MBNL3: variants seen among roughly 807,000 people sequenced by gnomAD.
MBNL3 encodes the protein muscleblind-like protein 3.
A neutral mutation model predicts 24.5 loss-of-function variants in MBNL3; 6 were observed. That is an observed-to-expected ratio of 0.25 (90% CI 0.13 to 0.48). MBNL3 has a LOEUF of 0.48. Ranked by LOEUF, MBNL3 falls within the 20% of genes least tolerant of loss-of-function variation. The probability of loss-of-function intolerance (pLI) is 0.99; values close to 1 mark genes in which losing one functional copy is unlikely to be tolerated. For missense variants in MBNL3, 230 were observed against 293.5 expected, an observed-to-expected ratio of 0.78 and a Z score of 1.58; for synonymous variants, 100 against 101.7, an observed-to-expected ratio of 0.98 and a Z score of 0.10.
Position 132,437,626 on chromosome X carries a change from A to G in MBNL3, c.177+1809T>C, listed in dbSNP as rs1386170725. On this transcript the variant is annotated intron_variant, in intron 2 of 8. Coordinates refer to ENST00000370853, the MANE Select transcript of MBNL3 (RefSeq NM_001386889.1). The stretch of plus-strand genomic sequence containing the variant: ...TAGTGAGGCTGGGACTGTACCCCAG[A>G]TCTCCTGAAACAACAATGCAAAGTT... Among the ~76,000 whole-genome samples, 3 of 111,090 alleles carry G rather than the reference A, an allele frequency of 2.7e-5. No homozygotes were observed. The East Asian group carries it at 8.5e-4, about 31-fold the overall frequency.
At chrX:132,481,851 T>C (rs1380557614) in intron 1 of MBNL3, among the ~76,000 whole-genome samples, 1 of 111,691 alleles carries the variant, frequency 9.0e-6, no homozygotes, top group African/African-American at 3.3e-5. Context: ...CGCATCTATA[T>C]GAATTCCCCA....
intron 1 of MBNL3, among the ~76,000 whole-genome samples, chrX:132,470,884 A>G (rs1947145310): frequency 9.0e-6 from 1 of 111,697 alleles, no homozygotes; most frequent in African/African-American, 3.3e-5. Flanking sequence ...CAAGTTCCCA[A>G]TCAAACCTTT....
At chrX:132,396,933 CATTCATATATATATTCATATAT>C (rs1328667910) in intron 3 of MBNL3, among the ~76,000 whole-genome samples, 10 of 67,839 alleles carry the variant, frequency 1.5e-4, no homozygotes, top group Non-Finnish European at 1.8e-4. Context: ...TTCATATATA[CATTCATATATATATTCATATAT>C]ATTCATATAT....
rs1332778623 is a variant in MBNL3 at position 132,483,036 on chromosome X, G to A, written c.-704+5815C>T. Among the ~76,000 whole-genome samples the A allele has an allele frequency of 2.7e-5, 3 of 112,430 alleles. No individual in the cohort carries two copies. In the East Asian group the frequency reaches 8.3e-4, roughly 31 times the overall value. On this transcript the variant is annotated intron_variant, in intron 1 of 8. Transcript: ENST00000370853. Reference sequence around the variant, plus strand: ...TCATATATCTGGGTGAGCTAATAAGGTTTCTCTTCATGTTGTCCAATTACT... The same window carrying A: ...TCATATATCTGGGTGAGCTAATAAGATTTCTCTTCATGTTGTCCAATTACT...
At chrX:132,424,067 T>C (rs1944071314) in intron 2 of MBNL3, among the ~76,000 whole-genome samples, 1 of 111,847 alleles carries the variant, frequency 8.9e-6, no homozygotes, top group African/African-American at 3.3e-5. Flanking sequence ...GAGATAATTG[T>C]ATCAAAAACT....
intron 1 of MBNL3, among the ~76,000 whole-genome samples, chrX:132,468,556 T>C: frequency 8.9e-6 from 1 of 112,835 alleles, no homozygotes; most frequent in Non-Finnish European, 1.9e-5. Context: ...GTGTTTTCCA[T>C]GTGCAAGGCA....
intron 2 of MBNL3, among the ~76,000 whole-genome samples, chrX:132,415,052 A>G (rs1195569839): frequency 8.9e-6 from 1 of 112,037 alleles, no homozygotes; most frequent in Non-Finnish European, 1.9e-5. Flanking sequence ...TGAAGGCTTT[A>G]GTCAAGGAAC....
intron 1 of MBNL3, among the ~76,000 whole-genome samples, chrX:132,466,218 C>T (rs1292152520): frequency 8.9e-6 from 1 of 112,429 alleles, no homozygotes; most frequent in Non-Finnish European, 1.9e-5. Flanking sequence ...AAAAGTAATG[C>T]TTTTTCTGAT....
rs969879348 is a variant in MBNL3 at position 132,378,615 on chromosome X, C to T, written c.*1051G>A. On this transcript the variant is annotated 3_prime_UTR_variant, in exon 9 of 9. Coordinates refer to ENST00000370853, the MANE Select transcript of MBNL3 (RefSeq NM_001386889.1). ...AACTATCTCCATGCCCCCATCTCTCCGTTTGATTTATAACTTGTAATTAGC... is the reference window on the plus strand; with the variant it reads ...AACTATCTCCATGCCCCCATCTCTCTGTTTGATTTATAACTTGTAATTAGC... 2 of 111,612 alleles carry T rather than the reference C, an allele frequency of 1.8e-5. No homozygotes were observed. Among genetic ancestry groups the T allele is most frequent in the Non-Finnish European group, 3.8e-5 (2 of 53,069 alleles). 9.2% of individuals were successfully genotyped at this position (111,612 alleles called of 1,213,427 possible).
intron 2 of MBNL3, chrX:132,413,678 A>ACCCTGGCAGCCACTCCACCTT: frequency 2.1e-6 from 2 of 964,130 alleles, no homozygotes; most frequent in Non-Finnish European, 2.7e-6. Context: ...ACGGCTCGCT[A>ACCCTGGCAGCCACTCCACCTT]CCCTGGCAGC....
chrX:132,408,090 G>GTCTTTTTTTTTT (rs1942110716), intron 2 of MBNL3, among the ~76,000 whole-genome samples: 1 of 28,044 alleles, frequency 3.6e-5, no homozygotes, highest in Non-Finnish European at 6.9e-5. Context: ...CTGAATTTCA[G>GTCTTTTTTTTTT]TCTTTTTTTT....
At chrX:132,463,713 A>G (rs1946751396) in intron 1 of MBNL3, among the ~76,000 whole-genome samples, 1 of 112,008 alleles carries the variant, frequency 8.9e-6, no homozygotes, top group South Asian at 3.7e-4. Flanking sequence ...AAATGTTAAG[A>G]AATTACTAAA....
At chrX:132,381,913 A>G (rs1284815788) in intron 8 of MBNL3, among the ~76,000 whole-genome samples, 5 of 112,045 alleles carry the variant, frequency 4.5e-5, no homozygotes, top group Non-Finnish European at 9.4e-5. Context: ...ACATTTGAGG[A>G]TTGGTGTGTT....
intron 2 of MBNL3, among the ~76,000 whole-genome samples, chrX:132,422,582 A>T (rs1366558996): frequency 1.8e-5 from 2 of 112,197 alleles, no homozygotes; most frequent in Non-Finnish European, 3.8e-5. Context: ...GGTCTCCCAA[A>T]GAAACATTAA....
intron 2 of MBNL3, among the ~76,000 whole-genome samples, chrX:132,423,999 GAAGT>G (rs768751405): frequency 2.7e-5 from 3 of 111,790 alleles, no homozygotes; most frequent in Non-Finnish European, 3.8e-5. Context: ...AGATATTTTT[GAAGT>G]AAGATTATTA....
At chrX:132,380,122 T>G (rs1271866756) in intron 8 of MBNL3, among the ~76,000 whole-genome samples, 1 of 112,544 alleles carries the variant, frequency 8.9e-6, no homozygotes, top group East Asian at 2.8e-4. Flanking sequence ...GGGTATTGTA[T>G]TGTACAAAAT....
intron 1 of MBNL3, among the ~76,000 whole-genome samples, chrX:132,456,983 G>A (rs955186049): frequency 1.8e-5 from 2 of 111,650 alleles, no homozygotes; most frequent in Non-Finnish European, 3.8e-5. Context: ...CTTGGGCACG[G>A]TAGGTCCTTG....
intron 1 of MBNL3, among the ~76,000 whole-genome samples, chrX:132,478,783 A>G (rs1360411254): frequency 8.9e-6 from 1 of 112,294 alleles, no homozygotes; most frequent in African/African-American, 3.2e-5. Flanking sequence ...AATTACAATG[A>G]TAGAATAAAT....
At chrX:132,434,141 G>A (rs1177026862) in intron 2 of MBNL3, among the ~76,000 whole-genome samples, 2 of 112,223 alleles carry the variant, frequency 1.8e-5, no homozygotes, top group East Asian at 5.6e-4. Context: ...TCACGGCTAA[G>A]TCCCAAGGCC....
Sources: allele counts gnomAD v4.1 joint callset (sites outside exome capture counted in the v4.1 genomes callset), GRCh38; gene constraint gnomAD v4.1.1; transcripts MANE v1.5; gene names NCBI Gene and HGNC (gene_info 2026-07-23, HGNC 2026-07-21).